Variants in FARP2 observed in about 807,000 individuals in gnomAD.
The protein encoded by FARP2 is FERM, ARH/RhoGEF and pleckstrin domain protein 2.
Under a neutral mutation model 130.5 loss-of-function variants are expected in FARP2, and 111 were observed. The ratio of observed to expected loss-of-function variants is 0.85; its 90% CI spans 0.73 to 1.00. FARP2 has a LOEUF of 1.00. FARP2 is among the 50% of genes least tolerant of loss of function. The probability of loss-of-function intolerance (pLI) is 0.00; values close to 1 mark genes in which losing one functional copy is unlikely to be tolerated. For synonymous variants in FARP2, 504 were observed against 516.9 expected, an observed-to-expected ratio of 0.98 and a Z score of 0.34; for missense variants, 1,385 against 1,346.3, an observed-to-expected ratio of 1.03 and a Z score of -0.45.
At position 241,475,270 on chromosome 2, in the gene FARP2, G is replaced by T. The variant is rs1160356384; in HGVS notation, c.2132-587G>T. Among the ~76,000 whole-genome samples the T allele has an allele frequency of 6.6e-6, 1 of 152,194 alleles. No individual in the cohort carries two copies. Among genetic ancestry groups the T allele is most frequent in the Admixed American group, 6.5e-5 (1 of 15,284 alleles). Reference sequence around the variant, plus strand: ...GGTTGAACAACCTGAAGGCCTCAGGGGTATCTGCAGGAGCAGGCGCCTGGT... The same window carrying T: ...GGTTGAACAACCTGAAGGCCTCAGGTGTATCTGCAGGAGCAGGCGCCTGGT... On this transcript the variant is annotated intron_variant, in intron 18 of 26. Coordinates refer to ENST00000264042, the MANE Select transcript of FARP2 (RefSeq NM_014808.4). This position sits in a 1 kb window ranked among gnomAD's most constrained non-coding sequence, Gnocchi z 4.4.
At chr2:241,436,632 TAATC>T in intron 12 of FARP2, 94 bp downstream of exon 12, 1 of 1,010,286 alleles carries the variant, frequency 9.9e-7, no homozygotes, top group Non-Finnish European at 1.6e-6. Flanking sequence ...GTCTTAAAAT[TAATC>T]ATATTATTTA....
intron 6 of FARP2, among the ~76,000 whole-genome samples, chr2:241,413,059 T>C (rs1387378567): frequency 6.6e-6 from 1 of 152,174 alleles, no homozygotes; most frequent in Non-Finnish European, 1.5e-5. Context: ...AACTCATCAA[T>C]GTTTGCCTCC....
chr2:241,464,010 G>A, intron 17 of FARP2, 30 bp downstream of exon 17: 3 of 1,581,854 alleles, frequency 1.9e-6, no homozygotes, highest in Non-Finnish European at 2.6e-6. Context: ...CTGCCTACAT[G>A]AATGCTGTTT....
intron 21 of FARP2, chr2:241,488,007 C>G (rs2064800263): frequency 6.6e-6 from 1 of 151,902 alleles, no homozygotes; most frequent in Non-Finnish European, 1.5e-5. Context: ...CTCGGCCTCC[C>G]AAAGTGCTGG....
chr2:241,493,476 GC>G, intron 26 of FARP2, 32 bp downstream of exon 26: 1 of 1,608,190 alleles, frequency 6.2e-7, no homozygotes, highest in Non-Finnish European at 8.5e-7. Flanking sequence ...CTGGTCAGCT[GC>G]CCATTTCGAT....
chr2:241,442,125 T>A (rs1174116474), intron 13 of FARP2: 3 of 416,438 alleles, frequency 7.2e-6, no homozygotes, highest in Non-Finnish European at 1.5e-5. Flanking sequence ...TGCTGGGTCC[T>A]TCTGAGACCA....
At chr2:241,367,886 T>A (rs914634704) in intron 1 of FARP2, among the ~76,000 whole-genome samples, 1 of 151,674 alleles carries the variant, frequency 6.6e-6, no homozygotes, top group Admixed American at 6.6e-5. Context: ...TTTTTTTTTT[T>A]AATAGATTTT....
rs138838419 is a variant in FARP2 at position 241,463,442 on chromosome 2, C to T, written c.1785C>T (p.Arg595=). The change falls in exon 16 of 27, where the codon CGC becomes CGT. Residue 595 remains arginine, a synonymous_variant. Coordinates refer to ENST00000264042, the MANE Select transcript of FARP2 (RefSeq NM_014808.4). ...PIYEFHRGFL[R]EVEQRLALWE... ...ATGAGTTCCACAGAGGCTTCCTGCG[C>T]GAGGTGGAGCAGAGGCTGGCACTCT... is the stretch of plus-strand genomic sequence containing the variant. 1,239 of 1,613,868 alleles carry T rather than the reference C, an allele frequency of 7.7e-4. 1 individual carries two copies. Among genetic ancestry groups the T allele is most frequent in the Non-Finnish European group, 9.9e-4 (1,174 of 1,180,034 alleles).
intron 2 of FARP2, among the ~76,000 whole-genome samples, chr2:241,382,584 A>G (rs1047748468): frequency 2.0e-5 from 3 of 152,226 alleles, no homozygotes; most frequent in African/African-American, 4.8e-5. Context: ...CACCCAGTCT[A>G]TACAAAATCT....
intron 8 of FARP2, among the ~76,000 whole-genome samples, chr2:241,428,618 A>C (rs1310920495): frequency 2.6e-5 from 4 of 151,454 alleles, no homozygotes; most frequent in Non-Finnish European, 5.9e-5. Context: ...AGAACATCTA[A>C]CTCAGGATTT....
chr2:241,418,152 G>A lies in FARP2; in HGVS notation c.771+43G>A, dbSNP rs753982624. 19 of 1,606,496 alleles carry A rather than the reference G, an allele frequency of 1.2e-5. No homozygotes were observed. The Admixed American group carries it at 3.0e-4, about 26-fold the overall frequency. On this transcript the variant is annotated intron_variant, in intron 8 of 26. Coordinates refer to ENST00000264042, the MANE Select transcript of FARP2 (RefSeq NM_014808.4). The stretch of plus-strand genomic sequence containing the variant: ...GGAGGGGTGAGAACAGGGCAGGGGA[G>A]GTTTTCTGCAACCTGGTGGGGTTTG...
chr2:241,441,708 C>A, intron 13 of FARP2, 152 bp downstream of exon 13: 1 of 1,173,794 alleles, frequency 8.5e-7, no homozygotes, highest in Non-Finnish European at 1.2e-6. Flanking sequence ...TTACCACAGG[C>A]TCATTTCCTT....
At chr2:241,393,607 C>G (rs2061961108) in intron 2 of FARP2, among the ~76,000 whole-genome samples, 2 of 151,950 alleles carry the variant, frequency 1.3e-5, no homozygotes, top group South Asian at 4.2e-4. Flanking sequence ...ATAGGAGGGG[C>G]CATCTAGATA....
chr2:241,468,384 G>C lies in FARP2; in HGVS notation c.2131+7G>C. 1 of 1,603,606 alleles carries C rather than the reference G, an allele frequency of 6.2e-7. No homozygotes were observed. Among genetic ancestry groups the C allele is most frequent in the Non-Finnish European group, 8.5e-7 (1 of 1,172,046 alleles). ...GACTACGCTGACTGCCATGGTGAGTGTGGGTGCGGCCCTGCATCTCAAGGA... is the reference window on the plus strand; with the variant it reads ...GACTACGCTGACTGCCATGGTGAGTCTGGGTGCGGCCCTGCATCTCAAGGA... On this transcript the variant is annotated splice_region_variant and intron_variant, in intron 18 of 26. Transcript: ENST00000264042.
Position 241,468,165 on chromosome 2 carries a change from A to C in FARP2, c.1919A>C (p.His640Pro). ...LKEFTSYFQR[H>P]DEVLTELEKA... The stretch of plus-strand genomic sequence containing the variant: ...GAGTTTACCAGCTACTTCCAAAGAC[A>C]TGACGAGGTCCTAACAGAACTGGAA... The change falls in exon 18 of 27, where the codon CAT (histidine) becomes CCT (proline). Residue 640 changes from histidine to proline, a missense_variant. His to Pro is a moderately conservative substitution (Grantham distance 77). Transcript: ENST00000264042. 1 of 1,613,844 alleles carries C rather than the reference A, an allele frequency of 6.2e-7. No homozygotes were observed. Among genetic ancestry groups the C allele is most frequent in the Non-Finnish European group, 8.5e-7 (1 of 1,179,792 alleles).
chr2:241,361,075 A>C (rs528561219), intron 1 of FARP2, among the ~76,000 whole-genome samples: 1 of 151,768 alleles, frequency 6.6e-6, no homozygotes, highest in Non-Finnish European at 1.5e-5. Flanking sequence ...TTGTACTGCT[A>C]TATTGATTAT....
At chr2:241,393,185 A>G (rs909679033) in intron 2 of FARP2, among the ~76,000 whole-genome samples, 1 of 151,726 alleles carries the variant, frequency 6.6e-6, no homozygotes, top group Admixed American at 6.6e-5. Flanking sequence ...ACACCCGGCT[A>G]ATTTTTGTAT....
At chr2:241,427,966 CTG>C (rs2062992477) in intron 8 of FARP2, among the ~76,000 whole-genome samples, 2 of 152,048 alleles carry the variant, frequency 1.3e-5, no homozygotes. Context: ...CGGGGTTTCA[CTG>C]TGTTAGCCAG....
At chr2:241,434,812 G>A in intron 10 of FARP2, 150 bp from the exon 11 acceptor site, 1 of 591,512 alleles carries the variant, frequency 1.7e-6, no homozygotes, top group South Asian at 2.1e-5. Context: ...CTCCACCCTG[G>A]GCAATAGAGC....
Sources: allele counts gnomAD v4.1 joint callset (sites outside exome capture counted in the v4.1 genomes callset), GRCh38; gene constraint gnomAD v4.1.1; non-coding constraint Gnocchi (gnomAD v3.1); transcripts MANE v1.5; gene names NCBI Gene and HGNC (gene_info 2026-07-23, HGNC 2026-07-21).